The following ITPR2 variants were observed in gnomAD, a reference collection of about 807,000 sequenced individuals.
ITPR2 encodes inositol 1,4,5-trisphosphate receptor type 2.
A neutral mutation model predicts 317.1 loss-of-function variants in ITPR2; 207 were observed. The ratio of observed to expected loss-of-function variants is 0.65; its 90% CI spans 0.58 to 0.73. ITPR2 has a LOEUF of 0.73. Among genes scored for constraint, ITPR2 ranks in the 30% least tolerant of loss-of-function variants. ITPR2 has a pLI of 0.00. For synonymous variants in ITPR2, 1,156 were observed against 1,149.1 expected (o/e 1.01, Z -0.12); for missense variants, 2,613 against 3,284.0 (o/e 0.80, Z 4.99).
intron 37 of ITPR2, among the ~76,000 whole-genome samples, chr12:26,544,814 C>T (rs1368486232): frequency 6.6e-6 from 1 of 152,032 alleles, no homozygotes; most frequent in Non-Finnish European, 1.5e-5. Flanking sequence ...AATACACAGT[C>T]GAAATCCAGC....
intron 37 of ITPR2, among the ~76,000 whole-genome samples, chr12:26,543,079 T>C (rs765340190): frequency 3.3e-5 from 5 of 152,252 alleles, no homozygotes; most frequent in Middle Eastern, 3.4e-3. Context: ...TAAATCTTGA[T>C]GAAAATGTAT....
Position 26,655,731 on chromosome 12 carries a change from C to A in ITPR2, c.2566G>T (p.Glu856Ter). 1 of 1,607,624 alleles carries A rather than the reference C, an allele frequency of 6.2e-7. No individual in the cohort carries two copies. Reference protein sequence around the residue: ...VNQPFPFGDKEKNKLTFEVVH... With the variant: ...VNQPFPFGDK The stretch of plus-strand genomic sequence containing the variant: ...ACCTCAAATGTCAGTTTATTTTTTT[C>A]TTTATCCCCAAAAGGAAAGGGCTGG... Residue 856 changes from glutamate (E) to a stop codon, truncating the protein, a stop_gained, in exon 20 of 57, where the codon GAA becomes TAA. Transcript: ENST00000381340. LOFTEE classifies it high-confidence loss of function.
chr12:26,812,951 A>C (rs1009834052), intron 1 of ITPR2, among the ~76,000 whole-genome samples: 1 of 152,222 alleles, frequency 6.6e-6, no homozygotes, highest in Admixed American at 6.5e-5. Context: ...TAACCAACCA[A>C]CGTCTTCAAT....
At chr12:26,767,693 T>C (rs564183155) in intron 2 of ITPR2, among the ~76,000 whole-genome samples, 151 of 152,364 alleles carry the variant, frequency 9.9e-4, no homozygotes, top group African/African-American at 3.5e-3. Context: ...AAGTCTCTTT[T>C]CCATTTCACA....
chr12:26,647,163 G>A (rs111641368), intron 21 of ITPR2, among the ~76,000 whole-genome samples: 3,291 of 152,256 alleles, frequency 0.022, 109 homozygotes, highest in African/African-American at 0.075. Flanking sequence ...CCCCAGTCCC[G>A]TTCAAACAGC....
At chr12:26,709,315 T>A (rs1948607409) in intron 9 of ITPR2, among the ~76,000 whole-genome samples, 1 of 152,196 alleles carries the variant, frequency 6.6e-6, no homozygotes, top group Non-Finnish European at 1.5e-5. Flanking sequence ...ATAAAAAAGA[T>A]GTTATCTAAA....
intron 9 of ITPR2, among the ~76,000 whole-genome samples, chr12:26,697,032 T>C (rs547784866): frequency 9.9e-5 from 15 of 152,266 alleles, no homozygotes; most frequent in Admixed American, 3.3e-4. Flanking sequence ...TGGAATGACA[T>C]TGCATGATGA....
chr12:26,404,206 C>T (rs1207425282), intron 52 of ITPR2, among the ~76,000 whole-genome samples: 1 of 152,022 alleles, frequency 6.6e-6, no homozygotes, highest in South Asian at 2.1e-4. Flanking sequence ...GAACTGTAGG[C>T]AGAAGGGGGA....
intron 26 of ITPR2, among the ~76,000 whole-genome samples, chr12:26,619,313 T>C (rs942012527): frequency 4.6e-5 from 7 of 152,220 alleles, no homozygotes; most frequent in Non-Finnish European, 1.0e-4. Flanking sequence ...TGAATGCTAA[T>C]GTTGAAAAAC....
intron 22 of ITPR2, among the ~76,000 whole-genome samples, chr12:26,629,266 C>G (rs1310819715): frequency 2.0e-5 from 3 of 152,106 alleles, no homozygotes; most frequent in Non-Finnish European, 4.4e-5. Context: ...TTTGAATATT[C>G]TCCTCCACTT....
Position 26,337,897 on chromosome 12 carries a change from T to C in ITPR2, c.*1500A>G, listed in dbSNP as rs975174828. ...GTTCAGGCTTCCTTTATATTCTACA[T>C]AGATCTTGATTTGGGATTTTTAGGA... On this transcript the variant is annotated 3_prime_UTR_variant, in exon 57 of 57. Transcript: ENST00000381340. 1 of 152,234 alleles carries C rather than the reference T, an allele frequency of 6.6e-6. No individual in the cohort carries two copies. The highest frequency in any genetic ancestry group is 1.5e-5 in the Non-Finnish European group (1 of 68,032). 9.4% of individuals were successfully genotyped at this position (152,234 alleles called of 1,614,324 possible). A position where few individuals can be genotyped will look rare whatever the true frequency, so the allele number is the denominator to read the frequency against.
rs181216048 is a variant in ITPR2, at chr12:26,602,096, A to G, written c.3678+274T>C. Among the ~76,000 whole-genome samples the G allele has an allele frequency of 7.2e-5, 11 of 152,196 alleles. No individual in the cohort carries two copies. In the East Asian group the frequency reaches 2.1e-3, roughly 29 times the overall value. ...GGATCTTTTTTTCAAGTCGAAAACAATTGGGACAAAGGGAGAAATCTGAGT... is the reference window on the plus strand; with the variant it reads ...GGATCTTTTTTTCAAGTCGAAAACAGTTGGGACAAAGGGAGAAATCTGAGT... On this transcript the variant is annotated intron_variant, in intron 28 of 56. Transcript: ENST00000381340.
chr12:26,483,694 T>C lies in ITPR2; in HGVS notation c.6012+4A>G. On this transcript the variant is annotated splice_donor_region_variant and intron_variant, in intron 42 of 56. Coordinates refer to ENST00000381340, the MANE Select transcript of ITPR2 (RefSeq NM_002223.4). Reference sequence around the variant, plus strand: ...ACTAATTAGTCATGGATACTTCTGGTTACCTGATTTTCATGGCAAGGGCCC... The same window carrying C: ...ACTAATTAGTCATGGATACTTCTGGCTACCTGATTTTCATGGCAAGGGCCC... 1.2e-6 allele frequency: 2 copies of C among 1,610,394 alleles called. No individual in the cohort carries two copies. Among genetic ancestry groups the C allele is most frequent in the Non-Finnish European group, 8.5e-7 (1 of 1,176,562 alleles).
intron 34 of ITPR2, among the ~76,000 whole-genome samples, chr12:26,571,000 T>A (rs1945145209): frequency 6.6e-6 from 1 of 152,152 alleles, no homozygotes; most frequent in Non-Finnish European, 1.5e-5. Flanking sequence ...TACCTTACAT[T>A]CCAGTTAGGC....
chr12:26,586,712 A>G (rs1191887437), intron 32 of ITPR2, among the ~76,000 whole-genome samples: 1 of 152,152 alleles, frequency 6.6e-6, no homozygotes, highest in Non-Finnish European at 1.5e-5. Context: ...TGTCTATTCC[A>G]TGCCAAGAAT....
chr12:26,497,877 AT>A (rs572589690), intron 37 of ITPR2, among the ~76,000 whole-genome samples: 3 of 151,372 alleles, frequency 2.0e-5, no homozygotes, highest in Non-Finnish European at 2.9e-5. Context: ...CGCCTGGCTA[AT>A]TTTTTTTGTT....
intron 45 of ITPR2, among the ~76,000 whole-genome samples, chr12:26,454,059 G>A (rs575156884): frequency 5.9e-5 from 9 of 152,194 alleles, no homozygotes; most frequent in Admixed American, 3.9e-4. Flanking sequence ...TGGATGGATG[G>A]ATGGCATACA....
intron 45 of ITPR2, among the ~76,000 whole-genome samples, chr12:26,459,121 T>C (rs936142182): frequency 2.6e-5 from 4 of 152,162 alleles, no homozygotes; most frequent in African/African-American, 9.7e-5. Context: ...GGGAAACACA[T>C]ACAAATATGA....
At chr12:26,364,377 C>G (rs1938937952) in intron 55 of ITPR2, among the ~76,000 whole-genome samples, 1 of 152,114 alleles carries the variant, frequency 6.6e-6, no homozygotes, top group Non-Finnish European at 1.5e-5. Context: ...AAAATAATTC[C>G]TGGCACAAAA....
Sources: allele counts gnomAD v4.1 joint callset (sites outside exome capture counted in the v4.1 genomes callset), GRCh38; gene constraint gnomAD v4.1.1; transcripts MANE v1.5; gene names NCBI Gene and HGNC (gene_info 2026-07-23, HGNC 2026-07-21).